Variants in SCHIP1 observed in about 807,000 individuals in gnomAD.
The protein encoded by SCHIP1 is schwannomin interacting protein 1, also known as schwannomin-interacting protein 1.
SCHIP1 carries 8 observed loss-of-function variants against 29.7 expected under a neutral mutation model. The observed-to-expected ratio is 0.27, with a 90% confidence interval of 0.16 to 0.49. The LOEUF (loss-of-function observed/expected upper bound fraction) is 0.49, where lower values mean the gene tolerates loss of function less well. Among genes scored for constraint, SCHIP1 ranks in the 20% least tolerant of loss-of-function variants. The probability of loss-of-function intolerance (pLI) is 0.99; values close to 1 mark genes in which losing one functional copy is unlikely to be tolerated. For missense variants in SCHIP1, 193 were observed against 294.6 expected (o/e 0.66, Z 2.52); for synonymous variants, 76 against 94.9 (o/e 0.80, Z 1.16).
chr3:159,763,393 G>A, the SCHIP1 span, among the ~76,000 whole-genome samples: 1 of 152,232 alleles, frequency 6.6e-6, no homozygotes, highest in South Asian at 2.1e-4. Flanking sequence ...GCTTCGGCGG[G>A]GTAACGAGTC....
At chr3:159,490,167 T>A in the SCHIP1 span, among the ~76,000 whole-genome samples, 3 of 152,304 alleles carry the variant, frequency 2.0e-5, no homozygotes, top group South Asian at 4.1e-4. Flanking sequence ...GTATAGAATG[T>A]GAAATGATCA....
At chr3:159,390,743 G>C in the SCHIP1 span, among the ~76,000 whole-genome samples, 2 of 152,234 alleles carry the variant, frequency 1.3e-5, no homozygotes, top group East Asian at 3.9e-4. Context: ...TTGGCCACAT[G>C]TGGGTTATCA....
At chr3:159,385,520 G>A in the SCHIP1 span, among the ~76,000 whole-genome samples, 2 of 149,210 alleles carry the variant, frequency 1.3e-5, no homozygotes, top group Non-Finnish European at 3.0e-5. Context: ...TCACACTACT[G>A]TACTTCAGCC....
the SCHIP1 span, among the ~76,000 whole-genome samples, chr3:159,341,436 A>G: frequency 1.3e-5 from 2 of 152,078 alleles, no homozygotes; most frequent in South Asian, 2.1e-4. Context: ...TGGGCAAATT[A>G]CCCCTCATAC....
the SCHIP1 span, among the ~76,000 whole-genome samples, chr3:159,626,347 T>C: frequency 6.6e-6 from 1 of 151,012 alleles, no homozygotes; most frequent in Non-Finnish European, 1.5e-5. Flanking sequence ...AAGCAAGTTA[T>C]TTACTTTGGG....
the SCHIP1 span, among the ~76,000 whole-genome samples, chr3:159,357,891 G>T: frequency 2.0e-5 from 3 of 152,204 alleles, no homozygotes; most frequent in African/African-American, 7.2e-5. Context: ...ATAAATGCAG[G>T]AAGTGCCATG....
chr3:159,367,508 G>A, the SCHIP1 span, among the ~76,000 whole-genome samples: 13 of 151,936 alleles, frequency 8.6e-5, no homozygotes, highest in South Asian at 2.1e-4. Context: ...GTGAAATTCC[G>A]TGACTCATAT....
chr3:159,564,499 C>G, the SCHIP1 span, among the ~76,000 whole-genome samples: 1 of 152,124 alleles, frequency 6.6e-6, no homozygotes, highest in African/African-American at 2.4e-5. Flanking sequence ...GCCTCAGCCT[C>G]CTGAGTAGCT....
At chr3:159,854,303 TAGAA>T (rs1713052066) in intron 1 of SCHIP1, among the ~76,000 whole-genome samples, 1 of 152,242 alleles carries the variant, frequency 6.6e-6, no homozygotes, top group Admixed American at 6.5e-5. Flanking sequence ...GAATGACATA[TAGAA>T]AGAAGCTTCT....
At chr3:159,891,289 C>T (rs1177494806) in intron 5 of SCHIP1, among the ~76,000 whole-genome samples, 2 of 152,032 alleles carry the variant, frequency 1.3e-5, no homozygotes, top group African/African-American at 2.4e-5. Flanking sequence ...TAGAATCACT[C>T]GAACCCGGGA....
At chr3:159,626,251 TATAG>T in the SCHIP1 span, among the ~76,000 whole-genome samples, 16,910 of 93,272 alleles carry the variant, frequency 0.18, 1,519 homozygotes, top group Middle Eastern at 0.26. Context: ...TATCTATCTA[TATAG>T]ATAGATAGAT....
chr3:159,626,117 GATAGATAGATAGATAGATAGAT>G, the SCHIP1 span, among the ~76,000 whole-genome samples: 1 of 115,646 alleles, frequency 8.6e-6, no homozygotes, highest in African/African-American at 6.5e-5. Flanking sequence ...TAGATAGATA[GATAGATAGATAGATAGATAGAT>G]ATATCTAGAT....
the SCHIP1 span, among the ~76,000 whole-genome samples, chr3:159,743,563 A>C: frequency 6.2e-4 from 94 of 152,340 alleles, no homozygotes; most frequent in African/African-American, 2.2e-3. Flanking sequence ...TGGTTACTTG[A>C]GTTTACACAT....
chr3:159,471,459 T>G, the SCHIP1 span, among the ~76,000 whole-genome samples: 1 of 152,116 alleles, frequency 6.6e-6, no homozygotes. Flanking sequence ...TAAAATAAAT[T>G]ACATATCAAC....
the SCHIP1 span, among the ~76,000 whole-genome samples, chr3:159,284,112 A>T: frequency 6.6e-6 from 1 of 152,174 alleles, no homozygotes; most frequent in African/African-American, 2.4e-5. Context: ...TTCATATAGC[A>T]TGGTAATTAC....
At chr3:159,407,429 C>T in the SCHIP1 span, among the ~76,000 whole-genome samples, 1 of 152,096 alleles carries the variant, frequency 6.6e-6, no homozygotes, top group Non-Finnish European at 1.5e-5. Flanking sequence ...GGCCCCAGTA[C>T]ATTAACTGAG....
At chr3:159,529,833 A>T in the SCHIP1 span, among the ~76,000 whole-genome samples, 1 of 152,154 alleles carries the variant, frequency 6.6e-6, no homozygotes, top group South Asian at 2.1e-4. Flanking sequence ...TTTAGATCCT[A>T]CATATGAGTG....
At chr3:159,486,905 T>C in the SCHIP1 span, among the ~76,000 whole-genome samples, 3 of 152,206 alleles carry the variant, frequency 2.0e-5, no homozygotes, top group Admixed American at 2.0e-4. Context: ...CTGAAATAAA[T>C]ATTTAATTGG....
chr3:159,526,641 A>C, the SCHIP1 span, among the ~76,000 whole-genome samples: 2 of 152,322 alleles, frequency 1.3e-5, no homozygotes, highest in East Asian at 1.9e-4. Flanking sequence ...TCTAACATGC[A>C]CAGGAGATAT....
Sources: gnomAD v4.1 joint callset for allele counts (sites outside exome capture counted in the v4.1 genomes callset) on GRCh38, gnomAD v4.1.1 for gene constraint, MANE v1.5 for transcripts, NCBI Gene and HGNC (gene_info 2026-07-23, HGNC 2026-07-21) for gene names.